EFCAB5: variants seen among roughly 807,000 people sequenced by gnomAD.
The protein encoded by EFCAB5 is EF-hand calcium-binding domain-containing protein 5.
EFCAB5 carries 131 observed loss-of-function variants against 167.9 expected under a neutral mutation model. That is an observed-to-expected ratio of 0.78 (90% confidence interval 0.68 to 0.90). EFCAB5 has a LOEUF of 0.90. Among genes scored for constraint, EFCAB5 ranks in the 40% least tolerant of loss-of-function variants. The pLI is 0.00. For synonymous variants in EFCAB5, 574 were observed against 602.8 expected (o/e 0.95, Z 0.70); for missense variants, 1,663 against 1,745.2 (o/e 0.95, Z 0.84).
intron 8 of EFCAB5, 65 bp downstream of exon 8, chr17:30,034,450 G>A: frequency 6.5e-7 from 1 of 1,529,040 alleles, no homozygotes; most frequent in Non-Finnish European, 8.8e-7. Flanking sequence ...TGTAATCCCA[G>A]CACTTTAGGA....
rs114864496 is a variant in EFCAB5, at chr17:30,061,238, C to A, written c.2737+1537C>A. ...GGGCAGGCTTATACAAAACGACTCTCAATAAACACATATTGGTAGCCATTT... is the reference window on the plus strand; with the variant it reads ...GGGCAGGCTTATACAAAACGACTCTAAATAAACACATATTGGTAGCCATTT... On this transcript the variant is annotated intron_variant, in intron 14 of 22. Coordinates refer to ENST00000394835, the MANE Select transcript of EFCAB5 (RefSeq NM_198529.4). Among the ~76,000 whole-genome samples the A allele has an allele frequency of 2.0e-3, 305 of 152,264 alleles. 1 individual carries two copies. The highest frequency in any genetic ancestry group is 7.1e-3 in the African/African-American group (295 of 41,538).
At chr17:29,949,142 C>T (rs1270196869) in intron 3 of EFCAB5, among the ~76,000 whole-genome samples, 1 of 152,204 alleles carries the variant, frequency 6.6e-6, no homozygotes, top group Non-Finnish European at 1.5e-5. Flanking sequence ...AGACTTATTA[C>T]AATATGAATT....
chr17:30,034,833 C>T (rs552809719), intron 8 of EFCAB5, among the ~76,000 whole-genome samples: 42 of 152,108 alleles, frequency 2.8e-4, no homozygotes, highest in Non-Finnish European at 5.3e-4. Flanking sequence ...CATGACCAAA[C>T]ACACTATTAA....
chr17:29,942,735 C>T (rs919675202), intron 2 of EFCAB5, among the ~76,000 whole-genome samples: 19 of 152,130 alleles, frequency 1.2e-4, no homozygotes, highest in African/African-American at 4.6e-4. Flanking sequence ...AGTGAGTTGA[C>T]TAATATGAGT....
chr17:30,103,133 A>G (rs2071403196), intron 22 of EFCAB5, among the ~76,000 whole-genome samples: 1 of 151,704 alleles, frequency 6.6e-6, no homozygotes, highest in Non-Finnish European at 1.5e-5. Context: ...CATCCGGCCA[A>G]AGGACTTTTC....
In EFCAB5 at chr17:30,069,304, G is replaced by C. The variant is rs2070664577; in HGVS notation, c.2738-8911G>C. ...GGGGAGATGGCAAAGGTGAAGATGA[G>C]TTATCCCCAGAAGAAATACAAATGT... On this transcript the variant is annotated intron_variant, in intron 14 of 22. Transcript: ENST00000394835. 2.0e-6 allele frequency: 3 copies of C among 1,499,100 alleles called. No homozygotes were observed. In the African/African-American group the frequency reaches 4.1e-5, roughly 21 times the overall value. The allele number at this position is 1,499,100 out of a possible 1,614,324, so 92.9% of individuals were successfully genotyped here.
chr17:30,040,843 TC>T (rs762619651), intron 8 of EFCAB5, among the ~76,000 whole-genome samples: 15 of 152,222 alleles, frequency 9.9e-5, no homozygotes, highest in Admixed American at 2.0e-4. Context: ...TCTGGACAGG[TC>T]CAGGCAGGTC....
chr17:29,947,133 C>T (rs1248317419), intron 3 of EFCAB5, among the ~76,000 whole-genome samples: 3 of 146,878 alleles, frequency 2.0e-5, no homozygotes, highest in Non-Finnish European at 3.0e-5. Flanking sequence ...GAGATCACGC[C>T]ACTGCACTCC....
At chr17:29,992,309 T>C (rs772970688) in intron 4 of EFCAB5, among the ~76,000 whole-genome samples, 1 of 152,176 alleles carries the variant, frequency 6.6e-6, no homozygotes, top group Non-Finnish European at 1.5e-5. Flanking sequence ...TGACAGAATT[T>C]CTTTCTTTTT....
chr17:30,050,344 A>T (rs537597424), intron 8 of EFCAB5, among the ~76,000 whole-genome samples: 2 of 152,260 alleles, frequency 1.3e-5, no homozygotes, highest in East Asian at 3.9e-4. Context: ...TGCGTTGGTC[A>T]GGCTGGTCTC....
upstream of EFCAB5, among the ~76,000 whole-genome samples, chr17:29,937,143 A>G (rs73987648): frequency 0.017 from 2,626 of 152,248 alleles, 80 homozygotes; most frequent in African/African-American, 0.06. Context: ...TTCACAGGCC[A>G]AACAGGCAAG....
At chr17:29,974,714 G>T (rs565974901) in intron 4 of EFCAB5, among the ~76,000 whole-genome samples, 1 of 152,104 alleles carries the variant, frequency 6.6e-6, no homozygotes, top group Non-Finnish European at 1.5e-5. Flanking sequence ...AAATGAAAGC[G>T]TTTTGCCAGG....
chr17:29,972,253 C>T (rs1284174931), intron 4 of EFCAB5, among the ~76,000 whole-genome samples: 1 of 150,170 alleles, frequency 6.7e-6, no homozygotes, highest in Admixed American at 6.7e-5. Flanking sequence ...GTTTCACCGC[C>T]TTAGCCAGGG....
chr17:29,979,357 A>G (rs541060016), intron 4 of EFCAB5, among the ~76,000 whole-genome samples: 8 of 151,946 alleles, frequency 5.3e-5, no homozygotes, highest in Non-Finnish European at 1.0e-4. Flanking sequence ...AAAAAAGGAA[A>G]TCCTCACCAT....
At chr17:29,940,495 C>T (rs966588697), upstream of EFCAB5, among the ~76,000 whole-genome samples, 1 of 152,126 alleles carries the variant, frequency 6.6e-6, no homozygotes, top group African/African-American at 2.4e-5. Flanking sequence ...TGCATCCAAA[C>T]CAAATAGATT....
intron 3 of EFCAB5, among the ~76,000 whole-genome samples, chr17:29,967,025 G>T (rs2067843536): frequency 6.6e-6 from 1 of 151,954 alleles, no homozygotes; most frequent in Non-Finnish European, 1.5e-5. Flanking sequence ...GCACTAGATG[G>T]TCTACGTTCT....
chr17:30,069,028 G>C, intron 14 of EFCAB5: 1 of 1,400,870 alleles, frequency 7.1e-7, no homozygotes. Flanking sequence ...CAGGACTGCT[G>C]TTCTGGATTT....
intron 7 of EFCAB5, among the ~76,000 whole-genome samples, chr17:30,006,340 C>G (rs1371572487): frequency 6.6e-6 from 1 of 151,902 alleles, no homozygotes; most frequent in Non-Finnish European, 1.5e-5. Flanking sequence ...TTTTGGAGAT[C>G]TTTTTTATTG....
At chr17:29,930,004 G>C in intron 1 of EFCAB5, 1 of 1,597,992 alleles carries the variant, frequency 6.3e-7, no homozygotes, top group Non-Finnish European at 8.5e-7. Context: ...AAGCCATCTA[G>C]GCGCTGCTGG....
Sources: allele counts gnomAD v4.1 joint callset (sites outside exome capture counted in the v4.1 genomes callset), GRCh38; gene constraint gnomAD v4.1.1; transcripts MANE v1.5; gene names NCBI Gene and HGNC (gene_info 2026-07-23, HGNC 2026-07-21).